Variants in PAMR1 observed in about 807,000 individuals in gnomAD.
PAMR1 encodes inactive serine protease PAMR1.
Under a neutral mutation model 81.8 loss-of-function variants are expected in PAMR1, and 88 were observed. The observed-to-expected ratio is 1.08, with a 90% CI of 0.91 to 1.28. The LOEUF is 1.28. Among genes scored for constraint, PAMR1 ranks in the 50% most tolerant of loss-of-function variants. The pLI is 0.00. For synonymous variants in PAMR1, 336 were observed against 345.3 expected, an observed-to-expected ratio of 0.97 and a Z score of 0.30; for missense variants, 935 against 919.7, an observed-to-expected ratio of 1.02 and a Z score of -0.21.
chr11:35,526,216 T>C (rs539865851), upstream of PAMR1, among the ~76,000 whole-genome samples: 4 of 152,334 alleles, frequency 2.6e-5, no homozygotes, highest in South Asian at 8.3e-4. Flanking sequence ...AACTACAGGC[T>C]ACTGGAAAAA....
chr11:35,453,690 C>T (rs770629919), intron 6 of PAMR1, among the ~76,000 whole-genome samples: 1 of 152,126 alleles, frequency 6.6e-6, no homozygotes, highest in Non-Finnish European at 1.5e-5. Context: ...CTTTGTGTCT[C>T]GCCATTGAAC....
At chr11:35,502,082 G>T (rs1850857036) in intron 1 of PAMR1, among the ~76,000 whole-genome samples, 1 of 152,082 alleles carries the variant, frequency 6.6e-6, no homozygotes, top group Admixed American at 6.6e-5. Context: ...TCACCAGCAT[G>T]TTATTGCCTG....
intron 4 of PAMR1, 31 bp downstream of exon 4, chr11:35,474,599 A>G (rs774063563): frequency 7.7e-7 from 1 of 1,293,096 alleles, no homozygotes; most frequent in South Asian, 1.3e-5. Context: ...TTATAACCTC[A>G]GACTCCTGAC....
intron 7 of PAMR1, 91 bp downstream of exon 7, chr11:35,441,390 T>G (rs1856160914): frequency 4.5e-6 from 4 of 892,146 alleles, no homozygotes; most frequent in Non-Finnish European, 7.2e-6. Context: ...GAAAGGCATT[T>G]TTCCAGGGGC....
chr11:35,453,599 C>A (rs1446432336), intron 6 of PAMR1, among the ~76,000 whole-genome samples: 1 of 152,178 alleles, frequency 6.6e-6, no homozygotes, highest in African/African-American at 2.4e-5. Context: ...GTACATAGGC[C>A]ATCTGCACCT....
upstream of PAMR1, among the ~76,000 whole-genome samples, chr11:35,526,377 CGAA>C (rs2135432235): frequency 6.6e-6 from 1 of 152,250 alleles, no homozygotes; most frequent in East Asian, 1.9e-4. Flanking sequence ...GCAGGGATGG[CGAA>C]GAACACACAA....
rs749911639 is a variant in PAMR1, at chr11:35,492,102, C to T, written c.322G>A (p.Val108Met). The T allele has an allele frequency of 1.9e-6, 3 of 1,614,152 alleles. No individual in the cohort carries two copies. The highest frequency in any genetic ancestry group is 2.2e-5 in the South Asian group (2 of 91,068). The stretch of plus-strand genomic sequence containing the variant: ...CACTCTGCACAGTAGAACCCCTTCA[C>T]ATAGAAGTCATCCAAGGTACCCCCC... ...SWGGTLDDFYVKGFYCAECRA... is the reference protein window; with the variant it reads ...SWGGTLDDFYMKGFYCAECRA... The change falls in exon 3 of 11, where the codon GTG becomes ATG. Residue 108 changes from valine (V) to methionine (M), a missense_variant. Coordinates refer to ENST00000619888, the MANE Select transcript of PAMR1 (RefSeq NM_001001991.3).
chr11:35,496,086 T>C (rs879919545), intron 1 of PAMR1, among the ~76,000 whole-genome samples: 9 of 152,168 alleles, frequency 5.9e-5, no homozygotes, highest in Admixed American at 2.6e-4. Flanking sequence ...GCGCTTCCCA[T>C]GTCTCTGATG....
At chr11:35,459,123 G>T (rs1408744588) in intron 6 of PAMR1, among the ~76,000 whole-genome samples, 1 of 151,962 alleles carries the variant, frequency 6.6e-6, no homozygotes, top group African/African-American at 2.4e-5. Context: ...TTTTTCATCC[G>T]GCAGCAATTT....
At chr11:35,457,876 T>A (rs2135363389) in intron 6 of PAMR1, among the ~76,000 whole-genome samples, 1 of 152,308 alleles carries the variant, frequency 6.6e-6, no homozygotes, top group Admixed American at 6.5e-5. Flanking sequence ...GGAAGGGATA[T>A]GAGTTATTAC....
intron 2 of PAMR1, 109 bp from the exon 3 acceptor site, chr11:35,492,282 A>T: frequency 3.3e-6 from 4 of 1,212,352 alleles, no homozygotes; most frequent in Non-Finnish European, 4.7e-6. Context: ...AACTAAGAGC[A>T]TCTGGGCCTA....
intron 1 of PAMR1, among the ~76,000 whole-genome samples, chr11:35,495,125 A>G (rs1850701532): frequency 6.6e-6 from 1 of 152,256 alleles, no homozygotes. Context: ...GTGCAAGGCC[A>G]ATTGCCAAGT....
At position 35,441,561 on chromosome 11, in the gene PAMR1, G is replaced by A. The variant is rs768442771; in HGVS notation, c.953C>T (p.Ser318Phe). Residue 318 changes from serine to phenylalanine, a missense_variant, in exon 7 of 11, where the codon TCC (serine) becomes TTC (phenylalanine). Physicochemically the swap from Ser to Phe is radical, Grantham distance 155. Transcript: ENST00000619888. ...GTVVSFFCNNSYVLSGNEKRT... is the reference protein window; with the variant it reads ...GTVVSFFCNNFYVLSGNEKRT... ...TTTCTCATTGCCACTAAGAACATAG[G>A]AGTTGTTACAAAAGAAAGACACCAC... 6.2e-7 allele frequency: 1 copy of A among 1,613,948 alleles called. No homozygotes were observed. The highest frequency in any genetic ancestry group is 8.5e-7 in the Non-Finnish European group (1 of 1,179,908).
chr11:35,432,733 T>C lies in PAMR1; in HGVS notation c.1786A>G (p.Ile596Val), dbSNP rs781059398. The C allele has an allele frequency of 9.9e-6, 16 of 1,614,102 alleles. No individual in the cohort carries two copies. Among genetic ancestry groups the C allele is most frequent in the East Asian group, 2.2e-5 (1 of 44,890 alleles). The change falls in exon 11 of 11, where the codon ATC (isoleucine) becomes GTC (valine). Residue 596 changes from isoleucine to valine, a missense_variant. Coordinates refer to ENST00000619888, the MANE Select transcript of PAMR1 (RefSeq NM_001001991.3). Reference sequence around the variant, plus strand: ...AGGACATTCCAGCCAGCCACAGTGATGTGGGACTCCTGGAAGGAAGTGCTG... The same window carrying C: ...AGGACATTCCAGCCAGCCACAGTGACGTGGGACTCCTGGAAGGAAGTGCTG... ...DLSTSFQESH[I>V]TVAGWNVLAD...
At chr11:35,440,975 C>A (rs777630102) in intron 7 of PAMR1, among the ~76,000 whole-genome samples, 10 of 152,196 alleles carry the variant, frequency 6.6e-5, no homozygotes, top group Non-Finnish European at 1.0e-4. Context: ...CACCACTCAT[C>A]TCTTCCTATA....
rs1303522184 is a variant in PAMR1, at chr11:35,467,905, C to A, written c.820+96G>T. 8.4e-6 allele frequency: 6 copies of A among 717,458 alleles called. 1 individual carries two copies. The Admixed American group carries it at 1.3e-4, about 16-fold the overall frequency. 44.4% of individuals were successfully genotyped at this position (717,458 alleles called of 1,614,324 possible). A position where few individuals can be genotyped will look rare whatever the true frequency, so the allele number is the denominator to read the frequency against. ...TGTGCACCATCTTGGACAGAGCATC[C>A]TAGACATGAAGAAAGAGTTGGCCCT... On this transcript the variant is annotated intron_variant, in intron 6 of 10. Transcript: ENST00000619888.
intron 6 of PAMR1, chr11:35,453,313 C>T (rs1245543245): frequency 6.6e-6 from 1 of 152,140 alleles, no homozygotes; most frequent in Admixed American, 6.5e-5. Context: ...TGCAATATTC[C>T]ACTCCATTTT....
intron 7 of PAMR1, among the ~76,000 whole-genome samples, chr11:35,440,439 A>G (rs1015191247): frequency 6.6e-6 from 1 of 152,214 alleles, no homozygotes; most frequent in African/African-American, 2.4e-5. Context: ...TAAAGTCTAA[A>G]GTGATTTATT....
At chr11:35,520,395 G>A (rs1851249462) in intron 1 of PAMR1, among the ~76,000 whole-genome samples, 1 of 152,164 alleles carries the variant, frequency 6.6e-6, no homozygotes, top group African/African-American at 2.4e-5. Context: ...ATGAGATCTG[G>A]TGTGTCCTGA....
Sources: gnomAD v4.1 joint callset for allele counts (sites outside exome capture counted in the v4.1 genomes callset) on GRCh38, gnomAD v4.1.1 for gene constraint, MANE v1.5 for transcripts, NCBI Gene and HGNC (gene_info 2026-07-23, HGNC 2026-07-21) for gene names.